The following VDR variants were observed in gnomAD, a reference collection of about 807,000 sequenced individuals.
VDR encodes vitamin D3 receptor.
Under a neutral mutation model 39.7 loss-of-function variants are expected in VDR, and 19 were observed. The observed-to-expected ratio is 0.48, with a 90% CI of 0.33 to 0.70. The LOEUF is 0.70. Ranked by LOEUF, VDR falls within the 30% of genes least tolerant of loss-of-function variation. VDR has a pLI of 0.02. For synonymous variants in VDR, 242 were observed against 215.8 expected (o/e 1.12, Z -1.07); for missense variants, 442 against 570.5 (o/e 0.77, Z 2.29).
intron 7 of VDR, among the ~76,000 whole-genome samples, chr12:47,851,240 C>T (rs1392839781): frequency 1.3e-5 from 2 of 152,162 alleles, no homozygotes; most frequent in Non-Finnish European, 2.9e-5. Context: ...GTCCTCAGAT[C>T]TAAGGCTGCT....
chr12:47,879,720 CT>C (rs1281242708), intron 2 of VDR, among the ~76,000 whole-genome samples: 1 of 152,196 alleles, frequency 6.6e-6, no homozygotes, highest in African/African-American at 2.4e-5. Flanking sequence ...GCTTATGCCC[CT>C]GGTGTTCCTG....
intron 1 of VDR, among the ~76,000 whole-genome samples, chr12:47,886,768 A>G (rs1348615204): frequency 6.6e-6 from 1 of 152,216 alleles, no homozygotes; most frequent in African/African-American, 2.4e-5. Context: ...CTAGCCAAAC[A>G]GTTTTCTAGC....
intron 1 of VDR, among the ~76,000 whole-genome samples, chr12:47,884,395 T>C (rs1226711092): frequency 6.6e-6 from 1 of 152,166 alleles, no homozygotes; most frequent in East Asian, 1.9e-4. Context: ...CTGAGTGACT[T>C]ACCCAGGGTC....
In VDR at chr12:47,899,920, A is replaced by G. The variant is rs1035094847; in HGVS notation, c.-84+5035T>C. The G allele has an allele frequency of 7.1e-6, 7 of 985,526 alleles. No homozygotes were observed. The African/African-American group carries it at 1.0e-4, about 15-fold the overall frequency. The allele number at this position is 985,526 out of a possible 1,614,324, so 61.0% of individuals were successfully genotyped here. The stretch of plus-strand genomic sequence containing the variant: ...GCATGAGGCTATCAGAGGAGGCTAG[A>G]GTCCATTTCTCCGTCCAGCTGGGCT... On this transcript the variant is annotated intron_variant, in intron 1 of 9. Coordinates refer to ENST00000549336, the MANE Select transcript of VDR (RefSeq NM_000376.3).
rs778567030 is a variant in VDR, at chr12:47,879,118, G to A, written c.-2-3C>T. On this transcript the variant is annotated splice_polypyrimidine_tract_variant and splice_region_variant and intron_variant, in intron 2 of 9. Coordinates refer to ENST00000549336, the MANE Select transcript of VDR (RefSeq NM_000376.3). ...GCTGGCCGCCATTGCCTCCATCCCT[G>A]TAAGAACAGCAAGCAGGCCACGGTC... 5.0e-6 allele frequency: 8 copies of A among 1,613,634 alleles called. No homozygotes were observed. The highest frequency in any genetic ancestry group is 3.3e-5 in the Admixed American group (2 of 59,998).
At chr12:47,845,027 A>C (rs1032599314) in intron 9 of VDR, 22 bp from the exon 10 acceptor site, 1 of 1,608,130 alleles carries the variant, frequency 6.2e-7, no homozygotes. Flanking sequence ...GGGATAGAGA[A>C]GAAGGCACAG....
intron 7 of VDR, among the ~76,000 whole-genome samples, chr12:47,851,555 C>G (rs1295395982): frequency 6.6e-6 from 1 of 152,184 alleles, no homozygotes; most frequent in Non-Finnish European, 1.5e-5. Context: ...TCAAAGCCAC[C>G]AGGGATGCAG....
intron 3 of VDR, among the ~76,000 whole-genome samples, chr12:47,873,351 C>CTTTT (rs71077177): frequency 0.017 from 1,635 of 98,148 alleles, 249 homozygotes; most frequent in East Asian, 0.066. Context: ...AACCTGTTTT[C>CTTTT]TTTTTTTTTT....
At chr12:47,891,139 A>C (rs528739226) in intron 1 of VDR, among the ~76,000 whole-genome samples, 1 of 152,298 alleles carries the variant, frequency 6.6e-6, no homozygotes, top group African/African-American at 2.4e-5. Context: ...GATCCTTGGG[A>C]TCAGACCCCT....
At chr12:47,875,227 GT>G (rs1200331859) in intron 3 of VDR, among the ~76,000 whole-genome samples, 1 of 152,250 alleles carries the variant, frequency 6.6e-6, no homozygotes, top group Non-Finnish European at 1.5e-5. Context: ...TCCTAGAGCA[GT>G]TTAGTTAACT....
At position 47,884,625 on chromosome 12, in the gene VDR, C is replaced by T. The variant is rs531357733; in HGVS notation, c.-83-1851G>A. Among the ~76,000 whole-genome samples the T allele has an allele frequency of 4.3e-4, 66 of 152,242 alleles. 2 individuals are homozygous for T. In the South Asian group the frequency reaches 0.012, roughly 27 times the overall value. On this transcript the variant is annotated intron_variant, in intron 1 of 9. Coordinates refer to ENST00000549336, the MANE Select transcript of VDR (RefSeq NM_000376.3). ...CCTATCTTAGGGGTGGAAACTGAGGCGCAGGGAAGGTGATTGTCTTTGGAG... is the reference window on the plus strand; with the variant it reads ...CCTATCTTAGGGGTGGAAACTGAGGTGCAGGGAAGGTGATTGTCTTTGGAG...
intron 7 of VDR, among the ~76,000 whole-genome samples, chr12:47,852,331 C>T (rs1400157583): frequency 6.6e-6 from 1 of 152,180 alleles, no homozygotes; most frequent in African/African-American, 2.4e-5. Context: ...GTGTTTTTTC[C>T]CTAGCTGTTT....
chr12:47,867,241 C>A (rs7308350), intron 3 of VDR, among the ~76,000 whole-genome samples: 57,031 of 151,956 alleles, frequency 0.38, 11,100 homozygotes, highest in East Asian at 0.7. Context: ...ATAGTCCCCG[C>A]TACTCGGGAG....
At chr12:47,846,835 AG>A in intron 7 of VDR, 27 bp from the exon 8 acceptor site, 1 of 1,614,038 alleles carries the variant, frequency 6.2e-7, no homozygotes, top group Non-Finnish European at 8.5e-7. Context: ...GAAGGAGGTC[AG>A]GTTACCAGTA....
intron 1 of VDR, among the ~76,000 whole-genome samples, chr12:47,891,091 AT>A (rs1946360955): frequency 6.6e-6 from 1 of 152,194 alleles, no homozygotes; most frequent in South Asian, 2.1e-4. Flanking sequence ...AAAGGTCAGT[AT>A]TCAAACCCCA....
intron 1 of VDR, among the ~76,000 whole-genome samples, chr12:47,890,499 A>T (rs7966244): frequency 0.15 from 22,794 of 151,806 alleles, 4,504 homozygotes; most frequent in African/African-American, 0.46. Context: ...GGCAGGTTAC[A>T]TTCATCTTCC....
intron 6 of VDR, among the ~76,000 whole-genome samples, chr12:47,856,827 G>A (rs1179717211): frequency 6.6e-6 from 1 of 152,114 alleles, no homozygotes; most frequent in Non-Finnish European, 1.5e-5. Context: ...AAAGGAAGCA[G>A]GTCACCTCCA....
intron 6 of VDR, among the ~76,000 whole-genome samples, 183 bp from the exon 7 acceptor site, chr12:47,855,984 A>G (rs951856141): frequency 3.3e-5 from 5 of 152,240 alleles, no homozygotes; most frequent in African/African-American, 4.8e-5. Context: ...CTCTTTCAGC[A>G]GCATAAGGCA....
At chr12:47,859,901 CCTTCCTTCCTTCCTTCTTTCTTTT>C in intron 4 of VDR, among the ~76,000 whole-genome samples, 1 of 45,216 alleles carries the variant, frequency 2.2e-5, no homozygotes, top group African/African-American at 1.4e-4. Context: ...TTCCTTCCTT[CCTTCCTTCCTTCCTTCTTTCTTTT>C]TCTTTCTTTC....
Sources: allele counts gnomAD v4.1 joint callset (sites outside exome capture counted in the v4.1 genomes callset), GRCh38; gene constraint gnomAD v4.1.1; transcripts MANE v1.5; gene names NCBI Gene and HGNC (gene_info 2026-07-23, HGNC 2026-07-21).